The following WDR27 variants were observed in gnomAD, a reference collection of about 807,000 sequenced individuals.
The protein encoded by WDR27 is WD repeat domain 27.
A neutral mutation model predicts 114.4 loss-of-function variants in WDR27; 100 were observed. That is an observed-to-expected ratio of 0.87 (90% CI 0.74 to 1.03). The LOEUF (loss-of-function observed/expected upper bound fraction) is 1.03, where lower values mean the gene tolerates loss of function less well. Ranked by LOEUF, WDR27 falls within the 50% of genes least tolerant of loss-of-function variation. The pLI is 0.00. For missense variants in WDR27, 1,129 were observed against 1,092.9 expected (o/e 1.03, Z -0.47); for synonymous variants, 449 against 423.1 (o/e 1.06, Z -0.75).
At chr6:169,648,752 G>A (rs1217638739) in intron 15 of WDR27, among the ~76,000 whole-genome samples, 2 of 152,196 alleles carry the variant, frequency 1.3e-5, no homozygotes, top group African/African-American at 2.4e-5. Context: ...GTCACAAGGG[G>A]CCCAGGTGTA....
intron 1 of WDR27, among the ~76,000 whole-genome samples, chr6:169,699,418 T>C (rs545834677): frequency 1.1e-4 from 17 of 151,872 alleles, no homozygotes; most frequent in Non-Finnish European, 2.1e-4. Flanking sequence ...GCTTGAACAG[T>C]AGACACAGGA....
At chr6:169,519,963 C>T (rs778101927) in intron 25 of WDR27, among the ~76,000 whole-genome samples, 63 of 152,100 alleles carry the variant, frequency 4.1e-4, no homozygotes, top group Non-Finnish European at 7.4e-4. Flanking sequence ...AGGTGGACGA[C>T]CAGCTTCCCC....
the WDR27 span, among the ~76,000 whole-genome samples, chr6:169,451,315 T>C: frequency 6.6e-6 from 1 of 152,226 alleles, no homozygotes; most frequent in Non-Finnish European, 1.5e-5. Context: ...TCTTTCCAGA[T>C]AGAACCAATG....
At chr6:169,449,995 T>C in the WDR27 span, among the ~76,000 whole-genome samples, 2 of 152,128 alleles carry the variant, frequency 1.3e-5, no homozygotes, top group Admixed American at 1.3e-4. Flanking sequence ...ATTTTAAAAT[T>C]TTCTTTGTAT....
intron 25 of WDR27, among the ~76,000 whole-genome samples, chr6:169,540,907 C>T (rs1334832429): frequency 6.6e-6 from 1 of 152,094 alleles, no homozygotes; most frequent in Non-Finnish European, 1.5e-5. Flanking sequence ...TCTCAGAACC[C>T]TCATTTTATT....
intron 25 of WDR27, among the ~76,000 whole-genome samples, chr6:169,517,978 G>T (rs1005246230): frequency 6.6e-6 from 1 of 152,196 alleles, no homozygotes; most frequent in Non-Finnish European, 1.5e-5. Context: ...TTGAAACCCA[G>T]CAAGGCAGTC....
chr6:169,618,995 T>TA (rs1343913090), intron 21 of WDR27, among the ~76,000 whole-genome samples: 1 of 152,184 alleles, frequency 6.6e-6, no homozygotes, highest in Non-Finnish European at 1.5e-5. Context: ...AATTTTCCCA[T>TA]AAAAAACCTC....
At chr6:169,507,017 T>C (rs1792086387) in intron 25 of WDR27, among the ~76,000 whole-genome samples, 1 of 152,240 alleles carries the variant, frequency 6.6e-6, no homozygotes, top group African/African-American at 2.4e-5. Context: ...ACACTTGACA[T>C]TCTAATGGCA....
intron 21 of WDR27, among the ~76,000 whole-genome samples, chr6:169,615,988 C>T (rs1011321143): frequency 1.0e-4 from 15 of 148,142 alleles, no homozygotes; most frequent in African/African-American, 1.5e-4. Flanking sequence ...AAAGCTGAGG[C>T]GCAAACAGCA....
chr6:169,652,438 G>A (rs182152255), intron 13 of WDR27, among the ~76,000 whole-genome samples: 375 of 152,308 alleles, frequency 2.5e-3, no homozygotes, highest in Non-Finnish European at 3.5e-3. Context: ...TAATAGAGAG[G>A]GGGTTTCACC....
chr6:169,686,975 C>G (rs1283841932), intron 2 of WDR27, among the ~76,000 whole-genome samples: 1 of 151,788 alleles, frequency 6.6e-6, no homozygotes, highest in Non-Finnish European at 1.5e-5. Context: ...ATGGTGGTTA[C>G]TAGAGGCTGG....
Position 169,672,366 on chromosome 6 carries a change from T to C in WDR27, c.220A>G (p.Ile74Val), listed in dbSNP as rs1368951020. 7 of 1,610,550 alleles carry C rather than the reference T, an allele frequency of 4.3e-6. No individual in the cohort carries two copies. The highest frequency in any genetic ancestry group is 3.4e-5 in the Admixed American group (2 of 59,492). ...LLILRGHHQP[I>V]TAMAFGNKVN... is the part of the protein sequence containing the mutation. The stretch of plus-strand genomic sequence containing the variant: ...TTATTTCCAAAAGCCATAGCAGTAA[T>C]TGGCTGATGGTGTCCTCGTAGGATT... The change falls in exon 3 of 26, where the codon ATT (isoleucine) becomes GTT (valine). Residue 74 changes from isoleucine to valine, a missense_variant. Coordinates refer to ENST00000448612, the MANE Select transcript of WDR27 (RefSeq NM_182552.5).
At chr6:169,656,296 G>A (rs1824169905) in intron 13 of WDR27, among the ~76,000 whole-genome samples, 1 of 152,160 alleles carries the variant, frequency 6.6e-6, no homozygotes, top group Admixed American at 6.5e-5. Context: ...AGGAAAGCAT[G>A]CCAAACAGGA....
intron 13 of WDR27, among the ~76,000 whole-genome samples, chr6:169,656,351 G>A (rs930483323): frequency 6.6e-6 from 1 of 152,182 alleles, no homozygotes; most frequent in Non-Finnish European, 1.5e-5. Context: ...GAGACATGTG[G>A]TTTGGCTTTC....
chr6:169,630,345 A>G (rs1816028665), intron 21 of WDR27, among the ~76,000 whole-genome samples: 1 of 152,204 alleles, frequency 6.6e-6, no homozygotes, highest in Non-Finnish European at 1.5e-5. Flanking sequence ...TCTGTTGGTA[A>G]CAGCGAGTCA....
At chr6:169,453,064 C>T (rs1231757083), downstream of WDR27, among the ~76,000 whole-genome samples, 1 of 152,232 alleles carries the variant, frequency 6.6e-6, no homozygotes, top group African/African-American at 2.4e-5. Flanking sequence ...AGGCCTAGGG[C>T]TGATCAGCGT....
chr6:169,494,581 C>A (rs1211887518), intron 25 of WDR27, among the ~76,000 whole-genome samples: 1 of 152,060 alleles, frequency 6.6e-6, no homozygotes, highest in Non-Finnish European at 1.5e-5. Context: ...CATTGTATAT[C>A]CAGTCCATCA....
intron 25 of WDR27, among the ~76,000 whole-genome samples, chr6:169,508,471 C>T (rs1057108794): frequency 1.3e-5 from 2 of 151,162 alleles, no homozygotes; most frequent in Non-Finnish European, 3.0e-5. Flanking sequence ...TTTTTAATTT[C>T]TTTTTTTTTC....
chr6:169,475,485 C>T (rs113524325), intron 25 of WDR27, among the ~76,000 whole-genome samples: 1,793 of 152,274 alleles, frequency 0.012, 39 homozygotes, highest in African/African-American at 0.041. Context: ...AGCCTCCCAA[C>T]GTGCCAGGAT....
Sources: gnomAD v4.1 joint callset for allele counts (sites outside exome capture counted in the v4.1 genomes callset) on GRCh38, gnomAD v4.1.1 for gene constraint, MANE v1.5 for transcripts, NCBI Gene and HGNC (gene_info 2026-07-23, HGNC 2026-07-21) for gene names.